Variants in SCNN1B observed in about 807,000 individuals in gnomAD.
SCNN1B encodes the protein epithelial sodium channel subunit beta.
A neutral mutation model predicts 65.3 loss-of-function variants in SCNN1B; 46 were observed. The ratio of observed to expected loss-of-function variants is 0.70; its 90% CI spans 0.56 to 0.90. The LOEUF (loss-of-function observed/expected upper bound fraction) is 0.90, where lower values mean the gene tolerates loss of function less well. Ranked by LOEUF, SCNN1B falls within the 40% of genes least tolerant of loss-of-function variation. SCNN1B has a pLI of 0.00. For missense variants in SCNN1B, 751 were observed against 830.5 expected, an observed-to-expected ratio of 0.90 and a Z score of 1.18; for synonymous variants, 349 against 330.6, an observed-to-expected ratio of 1.06 and a Z score of -0.60.
At chr16:23,379,516 C>T (rs555504336) in intron 11 of SCNN1B, among the ~76,000 whole-genome samples, 1 of 152,150 alleles carries the variant, frequency 6.6e-6, no homozygotes, top group East Asian at 1.9e-4. Flanking sequence ...GTACCAATGT[C>T]CAGGCAGAAG....
rs1343808731 is a variant in SCNN1B, at chr16:23,355,359, A to G, written c.646A>G (p.Thr216Ala). 2.4e-5 allele frequency: 39 copies of G among 1,614,016 alleles called. No individual in the cohort carries two copies. The highest frequency in any genetic ancestry group is 3.1e-5 in the Non-Finnish European group (37 of 1,180,016). The change falls in exon 4 of 13, where the codon ACA (threonine) becomes GCA (alanine). Residue 216 changes from threonine (T) to alanine (A), a missense_variant. Coordinates refer to ENST00000343070, the MANE Select transcript of SCNN1B (RefSeq NM_000336.3). ...RNFTSATQAL[T>A]EWYILQATNI... ...CTTCACCAGTGCTACCCAGGCATTG[A>G]CAGAGTGGTACATCCTGCAGGCCAC... is the stretch of plus-strand genomic sequence containing the variant.
chr16:23,301,722 G>A (rs143834818), upstream of SCNN1B, among the ~76,000 whole-genome samples: 32 of 152,306 alleles, frequency 2.1e-4, no homozygotes, highest in East Asian at 5.4e-3. Context: ...TCCCAATCTC[G>A]GGGTGGGCTG....
At chr16:23,302,629 G>C (rs913534118) in intron 1 of SCNN1B, among the ~76,000 whole-genome samples, 192 bp downstream of exon 1, 4 of 152,160 alleles carry the variant, frequency 2.6e-5, no homozygotes, top group African/African-American at 9.6e-5. Flanking sequence ...GGGGGCGGAG[G>C]GGAGAGCTGG....
intron 2 of SCNN1B, 38 bp from the exon 3 acceptor site, chr16:23,352,763 T>C (rs1035421772): frequency 5.0e-6 from 8 of 1,612,276 alleles, no homozygotes; most frequent in Middle Eastern, 1.6e-4. Flanking sequence ...TTTACAGATA[T>C]GCATTCCTTC....
At chr16:23,316,729 C>A (rs545628195) in intron 1 of SCNN1B, among the ~76,000 whole-genome samples, 10 of 149,178 alleles carry the variant, frequency 6.7e-5, no homozygotes, top group African/African-American at 2.4e-4. Context: ...CCCTCACCAT[C>A]TCCTCTGTCA....
At chr16:23,365,372 G>A (rs779335140) in intron 4 of SCNN1B, among the ~76,000 whole-genome samples, 1 of 140,928 alleles carries the variant, frequency 7.1e-6, no homozygotes, top group Non-Finnish European at 1.5e-5. Flanking sequence ...AGAGAGAAAG[G>A]GAAGAAGGGA....
chr16:23,340,191 A>G (rs1274887450), intron 1 of SCNN1B, among the ~76,000 whole-genome samples: 1 of 152,200 alleles, frequency 6.6e-6, no homozygotes, highest in African/African-American at 2.4e-5. Flanking sequence ...TATATTCCGC[A>G]TAGAAATTCT....
Position 23,325,928 on chromosome 16 carries a change from T to TAAAA in SCNN1B, c.-8-22663_-8-22660dup, listed in dbSNP as rs1567298006. 1.2e-3 allele frequency among the ~76,000 whole-genome samples: 178 copies of TAAAA among 142,450 alleles called. 3 individuals are homozygous for TAAAA. The highest frequency in any genetic ancestry group is 0.011 in the Admixed American group (167 of 14,556). 93.5% of individuals were successfully genotyped at this position (142,450 alleles called of 152,430 possible). A position where few individuals can be genotyped will look rare whatever the true frequency, so the allele number is the denominator to read the frequency against. On this transcript the variant is annotated intron_variant, in intron 1 of 12. Transcript: ENST00000343070. ...AAATAAATAAATAAATAAATATAAA[T>TAAAA]AAAAGCCACACAGCTGTAGTCTCAG...
chr16:23,299,066 T>C (rs139653236), upstream of SCNN1B, among the ~76,000 whole-genome samples: 5,373 of 149,838 alleles, frequency 0.036, 317 homozygotes, highest in African/African-American at 0.13. Flanking sequence ...TTTCTTTTTT[T>C]TTTTTTTTTT....
intron 1 of SCNN1B, among the ~76,000 whole-genome samples, chr16:23,315,288 G>A (rs1368918060): frequency 3.9e-5 from 6 of 152,004 alleles, no homozygotes; most frequent in African/African-American, 1.2e-4. Context: ...AGTGAGCCAA[G>A]ATCGCACCAT....
rs577990458 is a variant in SCNN1B, at chr16:23,374,314, C to T, written c.1153-1424C>T. On this transcript the variant is annotated intron_variant, in intron 7 of 12. Transcript: ENST00000343070. ...AGAGGCCGGGCGCGATGGCTCACAC[C>T]TGTAATCCCAGCACTTTGGGAGGTC... Among the ~76,000 whole-genome samples the T allele has an allele frequency of 4.1e-5, 6 of 145,178 alleles. No homozygotes were observed. In the East Asian group the frequency reaches 1.2e-3, roughly 30 times the overall value.
intron 2 of SCNN1B, among the ~76,000 whole-genome samples, chr16:23,285,363 GGCCTC>G (rs1483784736): frequency 6.6e-6 from 1 of 152,000 alleles, no homozygotes; most frequent in Non-Finnish European, 1.5e-5. Flanking sequence ...GTAGAGGTAG[GGCCTC>G]GCTATGTTGT....
chr16:23,300,330 T>TA (rs1351301430), upstream of SCNN1B, among the ~76,000 whole-genome samples: 1 of 151,678 alleles, frequency 6.6e-6, no homozygotes, highest in Non-Finnish European at 1.5e-5. Context: ...TCCCAGAACT[T>TA]AAAGTATAAT....
chr16:23,313,259 C>T (rs1961382107), intron 1 of SCNN1B, among the ~76,000 whole-genome samples: 1 of 152,156 alleles, frequency 6.6e-6, no homozygotes, highest in East Asian at 1.9e-4. Context: ...TCCATGGACC[C>T]CCATTCTCTG....
rs575851026 is a variant in SCNN1B, at chr16:23,280,425, T to C, written n.110+2085T>C. 2.0e-5 allele frequency among the ~76,000 whole-genome samples: 3 copies of C among 152,188 alleles called. No individual in the cohort carries two copies. The East Asian group carries it at 5.8e-4, about 29-fold the overall frequency. ...TTTTGGTAGAGATGGGATTTCCCCA[T>C]GTTGCCCAGGCTGGAACTCCTGGGA... On this transcript the variant is annotated intron_variant and non_coding_transcript_variant, in intron 1 of 3. Coordinates refer to the SCNN1B transcript ENST00000569789.
chr16:23,357,444 G>A (rs1962443496), intron 4 of SCNN1B, among the ~76,000 whole-genome samples: 1 of 152,194 alleles, frequency 6.6e-6, no homozygotes, highest in Admixed American at 6.5e-5. Flanking sequence ...TTAACCGGGA[G>A]TGGTGGTGCA....
intron 2 of SCNN1B, among the ~76,000 whole-genome samples, chr16:23,285,548 G>A (rs1430275120): frequency 6.6e-6 from 1 of 152,096 alleles, no homozygotes; most frequent in Non-Finnish European, 1.5e-5. Context: ...ACTTGGGCAG[G>A]CCAAAGCAGG....
At chr16:23,297,004 AAAAG>A (rs1017745822) in intron 2 of SCNN1B, among the ~76,000 whole-genome samples, 9 of 149,578 alleles carry the variant, frequency 6.0e-5, no homozygotes, top group South Asian at 2.2e-4. Flanking sequence ...AAAAAAAAAA[AAAAG>A]AGAGAGAGAG....
chr16:23,360,809 T>C (rs1962537290), intron 4 of SCNN1B, among the ~76,000 whole-genome samples: 2 of 151,732 alleles, frequency 1.3e-5, no homozygotes, highest in Admixed American at 6.6e-5. Flanking sequence ...TGTTTTGTTT[T>C]TTTGAGACAG....
Sources: gnomAD v4.1 joint callset for allele counts (sites outside exome capture counted in the v4.1 genomes callset) on GRCh38, gnomAD v4.1.1 for gene constraint, MANE v1.5 for transcripts, NCBI Gene and HGNC (gene_info 2026-07-23, HGNC 2026-07-21) for gene names.